Variants in CACNA2D1 observed in about 807,000 individuals in gnomAD.
CACNA2D1 encodes the protein calcium voltage-gated channel auxiliary subunit alpha2delta 1.
CACNA2D1 carries 53 observed loss-of-function variants against 171.5 expected under a neutral mutation model. The observed-to-expected ratio is 0.31, with a 90% CI of 0.25 to 0.39. CACNA2D1 has a LOEUF of 0.39. CACNA2D1 is among the 10% of genes least tolerant of loss of function. The probability of loss-of-function intolerance (pLI) is 1.00; values close to 1 mark genes in which losing one functional copy is unlikely to be tolerated. For missense variants in CACNA2D1, 903 were observed against 1,299.8 expected, an observed-to-expected ratio of 0.69 and a Z score of 4.69; for synonymous variants, 442 against 443.1, an observed-to-expected ratio of 1.00 and a Z score of 0.03.
At chr7:81,983,980 A>C (rs747102945) in intron 22 of CACNA2D1, among the ~76,000 whole-genome samples, 1 of 152,194 alleles carries the variant, frequency 6.6e-6, no homozygotes, top group Non-Finnish European at 1.5e-5. Context: ...TTTACTTTAC[A>C]AAATCTAGTC....
intron 3 of CACNA2D1, among the ~76,000 whole-genome samples, chr7:82,333,601 C>T (rs889995748): frequency 2.6e-5 from 4 of 151,790 alleles, no homozygotes; most frequent in Middle Eastern, 3.2e-3. Flanking sequence ...ATTCAATTAC[C>T]TCCCACCACA....
intron 1 of CACNA2D1, among the ~76,000 whole-genome samples, chr7:82,396,419 T>C (rs1405007844): frequency 6.6e-6 from 1 of 152,244 alleles, no homozygotes; most frequent in Non-Finnish European, 1.5e-5. Context: ...TATAATCATA[T>C]AGTTCCATAA....
At chr7:82,195,242 T>C (rs75590633) in intron 3 of CACNA2D1, among the ~76,000 whole-genome samples, 1 of 152,060 alleles carries the variant, frequency 6.6e-6, no homozygotes, top group Middle Eastern at 3.4e-3. Flanking sequence ...ACCATCACTA[T>C]CTGGGTTGAT....
intron 6 of CACNA2D1, among the ~76,000 whole-genome samples, chr7:82,103,072 C>CTAAG (rs1205789670): frequency 1.3e-5 from 2 of 152,100 alleles, no homozygotes; most frequent in Admixed American, 1.3e-4. Flanking sequence ...CTTTGGGAGG[C>CTAAG]TAAGGCAGGC....
At chr7:82,295,745 G>A (rs534915743) in intron 3 of CACNA2D1, among the ~76,000 whole-genome samples, 2 of 152,130 alleles carry the variant, frequency 1.3e-5, no homozygotes, top group Non-Finnish European at 2.9e-5. Flanking sequence ...AGGATACTGG[G>A]TTAACATGTA....
chr7:82,185,210 C>A (rs866123240), intron 3 of CACNA2D1, among the ~76,000 whole-genome samples: 2 of 152,040 alleles, frequency 1.3e-5, no homozygotes, highest in Middle Eastern at 3.4e-3. Flanking sequence ...AAGTCTCCCT[C>A]AGCCTTTATT....
At chr7:82,235,117 T>A (rs1803404252) in intron 3 of CACNA2D1, among the ~76,000 whole-genome samples, 1 of 152,108 alleles carries the variant, frequency 6.6e-6, no homozygotes. Flanking sequence ...AAATAACATC[T>A]AACAATGATA....
At chr7:82,383,954 A>G (rs77062461) in intron 1 of CACNA2D1, among the ~76,000 whole-genome samples, 7,227 of 152,308 alleles carry the variant, frequency 0.047, 238 homozygotes, top group Non-Finnish European at 0.071. Context: ...TATTTAGAAC[A>G]AACAAGCCAA....
At chr7:82,136,495 T>C (rs1791625146) in intron 5 of CACNA2D1, 140 bp downstream of exon 5, 1 of 607,234 alleles carries the variant, frequency 1.6e-6, no homozygotes, top group African/African-American at 1.9e-5. Flanking sequence ...TTCTTCATTA[T>C]CTCGTATCTA....
At position 81,946,616 on chromosome 7, in the gene CACNA2D1, G is replaced by A. The variant is rs964840736; in HGVS notation, c.*3776C>T. On this transcript the variant is annotated 3_prime_UTR_variant, in exon 39 of 39. Coordinates refer to ENST00000356860, the MANE Select transcript of CACNA2D1 (RefSeq NM_000722.4). Reference sequence around the variant, plus strand: ...TGTCAAGAGAACAAAATAAAGGGGAGAAAAGATCTATTGTTCACAAAAGCC... The same window carrying A: ...TGTCAAGAGAACAAAATAAAGGGGAAAAAAGATCTATTGTTCACAAAAGCC... 1 of 152,090 alleles carries A rather than the reference G, an allele frequency of 6.6e-6. No homozygotes were observed. Among genetic ancestry groups the A allele is most frequent in the Non-Finnish European group, 1.5e-5 (1 of 67,996 alleles). The allele number at this position is 152,090 out of a possible 1,614,324, so 9.4% of individuals were successfully genotyped here.
chr7:82,234,641 G>A (rs1803333440), intron 3 of CACNA2D1, among the ~76,000 whole-genome samples: 1 of 152,054 alleles, frequency 6.6e-6, no homozygotes, highest in Non-Finnish European at 1.5e-5. Context: ...TAACCACAAG[G>A]GGGCCGTAGC....
chr7:82,148,686 GGAGTGC>G (rs1250229145), intron 4 of CACNA2D1, among the ~76,000 whole-genome samples: 1 of 152,144 alleles, frequency 6.6e-6, no homozygotes, highest in Non-Finnish European at 1.5e-5. Context: ...TCGACCAGCT[GGAGTGC>G]AGTGGCACAA....
rs949234086 is a variant in CACNA2D1, at chr7:81,947,888, G to A, written c.*2504C>T. Reference sequence around the variant, plus strand: ...TTACCCAATTTGTAATTGCATTTATGGTTGTCATAATATATAACTTTATAG... The same window carrying A: ...TTACCCAATTTGTAATTGCATTTATAGTTGTCATAATATATAACTTTATAG... On this transcript the variant is annotated 3_prime_UTR_variant, in exon 39 of 39. Transcript: ENST00000356860. The A allele has an allele frequency of 2.6e-5, 4 of 151,744 alleles. No homozygotes were observed. Among genetic ancestry groups the A allele is most frequent in the Non-Finnish European group, 4.4e-5 (3 of 67,804 alleles). 9.4% of individuals were successfully genotyped at this position (151,744 alleles called of 1,614,324 possible).
At chr7:82,045,632 C>T (rs990573738) in intron 10 of CACNA2D1, among the ~76,000 whole-genome samples, 1 of 152,120 alleles carries the variant, frequency 6.6e-6, no homozygotes, top group Non-Finnish European at 1.5e-5. Flanking sequence ...ATTTTGAATA[C>T]ATTTCTGTAA....
chr7:81,959,221 C>T (rs372134592), intron 38 of CACNA2D1, 54 bp downstream of exon 38: 174 of 1,237,658 alleles, frequency 1.4e-4, no homozygotes, highest in African/African-American at 3.1e-4. Context: ...TGAATTCTTG[C>T]GGACAGTGAC....
At chr7:82,156,980 A>G (rs1794439481) in intron 4 of CACNA2D1, among the ~76,000 whole-genome samples, 1 of 152,152 alleles carries the variant, frequency 6.6e-6, no homozygotes, top group Non-Finnish European at 1.5e-5. Context: ...CTCAACAAGT[A>G]GCCTTGAATC....
At chr7:82,147,582 T>G (rs1391295017) in intron 4 of CACNA2D1, among the ~76,000 whole-genome samples, 1 of 152,160 alleles carries the variant, frequency 6.6e-6, no homozygotes, top group Non-Finnish European at 1.5e-5. Context: ...TCCTATTGAC[T>G]CAGACACCCC....
rs377536672 is a variant in CACNA2D1, at chr7:82,090,003, A to T, written c.527-5103T>A. Among the ~76,000 whole-genome samples, 8 of 152,216 alleles carry T rather than the reference A, an allele frequency of 5.3e-5. No homozygotes were observed. In the South Asian group the frequency reaches 1.0e-3, roughly 20 times the overall value. The stretch of plus-strand genomic sequence containing the variant: ...TTGTAACAGCTTTGAGATGTCATTG[A>T]CATATAAAATAGTATAAAGTATGAA... On this transcript the variant is annotated intron_variant, in intron 6 of 38. Coordinates refer to ENST00000356860, the MANE Select transcript of CACNA2D1 (RefSeq NM_000722.4).
intron 12 of CACNA2D1, chr7:82,029,722 T>C (rs1410724708): frequency 6.6e-6 from 1 of 151,788 alleles, no homozygotes; most frequent in Non-Finnish European, 1.5e-5. Context: ...TGTGGATATA[T>C]ATATATGTAT....
Sources: allele counts gnomAD v4.1 joint callset (sites outside exome capture counted in the v4.1 genomes callset), GRCh38; gene constraint gnomAD v4.1.1; transcripts MANE v1.5; gene names NCBI Gene and HGNC (gene_info 2026-07-23, HGNC 2026-07-21).